The following DIO2 variants were observed in gnomAD, a reference collection of about 807,000 sequenced individuals.
The protein encoded by DIO2 is type II iodothyronine deiodinase.
In DIO2, 19 loss-of-function variants were observed where a neutral mutation model predicts 21.4. The observed-to-expected ratio is 0.89, with a 90% CI of 0.62 to 1.30. The LOEUF is 1.30. Among genes scored for constraint, DIO2 ranks in the 50% most tolerant of loss-of-function variants. The pLI, the probability that DIO2 is intolerant of heterozygous loss-of-function variation, is 0.00. For synonymous variants in DIO2, 122 were observed against 132.9 expected, an observed-to-expected ratio of 0.92 and a Z score of 0.57; for missense variants, 302 against 338.1, an observed-to-expected ratio of 0.89 and a Z score of 0.84.
intron 1 of DIO2, among the ~76,000 whole-genome samples, chr14:80,205,023 C>T (rs1484567183): frequency 6.6e-6 from 1 of 152,060 alleles, no homozygotes; most frequent in Admixed American, 6.6e-5. Context: ...TTTACTTATA[C>T]TAACTTTCTT....
At chr14:80,229,233 T>C (rs977710525) in intron 2 of DIO2, among the ~76,000 whole-genome samples, 3 of 138,098 alleles carry the variant, frequency 2.2e-5, no homozygotes, top group South Asian at 4.8e-4. Context: ...AACACCATGA[T>C]TAATTAGCCA....
rs1887727661 is a variant in DIO2, at chr14:80,201,658, A to G, written c.*1031T>C. On this transcript the variant is annotated 3_prime_UTR_variant, in exon 2 of 2. Transcript: ENST00000438257. ...CCAGACCCACTGGTTTTCCTTTAAT[A>G]GGTATCATGGGGTATAATTAACCCA... The G allele has an allele frequency of 6.6e-6, 1 of 152,138 alleles. No homozygotes were observed. Among genetic ancestry groups the G allele is most frequent in the South Asian group, 2.1e-4 (1 of 4,830 alleles). The allele number at this position is 152,138 out of a possible 1,614,324, so 9.4% of individuals were successfully genotyped here. A position where few individuals can be genotyped will look rare whatever the true frequency, so the allele number is the denominator to read the frequency against.
rs755561746 is a variant in DIO2, at chr14:80,202,803, C to A, written c.708G>T (p.Gln236His). The A allele has an allele frequency of 6.2e-7, 1 of 1,613,960 alleles. No individual in the cohort carries two copies. Reference sequence around the variant, plus strand: ...CCTTTCCTCCCAGATAAGCAATTTTCTGTCTCTGCACAATGCACACACGTT... The same window carrying A: ...CCTTTCCTCCCAGATAAGCAATTTTATGTCTCTGCACAATGCACACACGTT... The part of the protein sequence containing the change: ...AFERVCIVQR[Q>H]KIAYLGGKGP... Residue 236 changes from glutamine (Q) to histidine (H), a missense_variant, in exon 2 of 2, where the codon CAG becomes CAT. Transcript: ENST00000438257.
intron 2 of DIO2, among the ~76,000 whole-genome samples, chr14:80,230,479 C>T (rs1053859100): frequency 1.3e-5 from 2 of 152,136 alleles, no homozygotes; most frequent in Admixed American, 6.6e-5. Context: ...GACAGAATCC[C>T]TGAATTCATC....
At chr14:80,226,486 T>C (rs975697293) in intron 2 of DIO2, among the ~76,000 whole-genome samples, 3 of 152,234 alleles carry the variant, frequency 2.0e-5, no homozygotes, top group Admixed American at 6.5e-5. Context: ...TAAATGTCTA[T>C]TCCAGTGAGG....
intron 2 of DIO2, among the ~76,000 whole-genome samples, chr14:80,227,902 G>A (rs959824922): frequency 2.0e-5 from 3 of 152,168 alleles, no homozygotes; most frequent in Non-Finnish European, 2.9e-5. Flanking sequence ...GTTGTAGGAG[G>A]GGCCAAATGC....
At chr14:80,230,057 C>T (rs903877851) in intron 2 of DIO2, among the ~76,000 whole-genome samples, 2 of 152,082 alleles carry the variant, frequency 1.3e-5, no homozygotes, top group African/African-American at 2.4e-5. Flanking sequence ...GGGAGGCCAT[C>T]GCTGTTGCCT....
intron 2 of DIO2, among the ~76,000 whole-genome samples, chr14:80,224,839 G>A (rs1888540266): frequency 6.6e-6 from 1 of 152,142 alleles, no homozygotes; most frequent in Non-Finnish European, 1.5e-5. Flanking sequence ...TAGAGGGACA[G>A]AACTAATAGG....
At chr14:80,214,688 CT>C (rs1192677417), upstream of DIO2, among the ~76,000 whole-genome samples, 25 of 152,050 alleles carry the variant, frequency 1.6e-4, no homozygotes, top group Admixed American at 1.6e-3. Flanking sequence ...AAAGCTATTT[CT>C]TTTTTTATGC....
chr14:80,217,389 GAGCCAC>G (rs1888382010), intron 2 of DIO2, among the ~76,000 whole-genome samples: 1 of 152,138 alleles, frequency 6.6e-6, no homozygotes, highest in Non-Finnish European at 1.5e-5. Flanking sequence ...CAACACAACA[GAGCCAC>G]TGGTGGAACA....
At chr14:80,218,844 G>A (rs1039947009) in intron 2 of DIO2, among the ~76,000 whole-genome samples, 6 of 152,080 alleles carry the variant, frequency 3.9e-5, no homozygotes, top group African/African-American at 1.4e-4. Flanking sequence ...ATGGCGTGGT[G>A]GTGCATGCCT....
At chr14:80,205,364 G>T (rs971597748) in intron 1 of DIO2, among the ~76,000 whole-genome samples, 1 of 152,118 alleles carries the variant, frequency 6.6e-6, no homozygotes, top group South Asian at 2.1e-4. Flanking sequence ...AGATTAGTCC[G>T]TTGTAGGGAC....
At chr14:80,204,983 T>A (rs999975928) in intron 1 of DIO2, among the ~76,000 whole-genome samples, 2 of 152,290 alleles carry the variant, frequency 1.3e-5, no homozygotes, top group African/African-American at 4.8e-5. Flanking sequence ...AGTACATTTG[T>A]TTTTTAGTCA....
At chr14:80,209,127 A>G (rs896524472) in intron 1 of DIO2, among the ~76,000 whole-genome samples, 1 of 152,174 alleles carries the variant, frequency 6.6e-6, no homozygotes, top group Non-Finnish European at 1.5e-5. Context: ...AACACTATAC[A>G]TTGGTGAAAA....
At chr14:80,207,553 C>T (rs756636439) in intron 1 of DIO2, among the ~76,000 whole-genome samples, 4 of 152,172 alleles carry the variant, frequency 2.6e-5, no homozygotes, top group Non-Finnish European at 5.9e-5. Context: ...ATACTACTTG[C>T]TATCCAAAGC....
chr14:80,204,163 T>A (rs976929035), intron 1 of DIO2, among the ~76,000 whole-genome samples: 1 of 152,080 alleles, frequency 6.6e-6, no homozygotes, highest in Admixed American at 6.5e-5. Context: ...TGCCACTGCT[T>A]ACAAGGTGGT....
At position 80,219,081 on chromosome 14, in the gene DIO2, T is replaced by C. The variant is rs181961696; in HGVS notation, c.-277-2344A>G. Among the ~76,000 whole-genome samples, 1,252 of 152,344 alleles carry C rather than the reference T, an allele frequency of 8.2e-3. 3 individuals are homozygous for C. The highest frequency in any genetic ancestry group is 0.013 in the Non-Finnish European group (900 of 68,032). On this transcript the variant is annotated intron_variant, in intron 2 of 4. Coordinates refer to the DIO2 transcript ENST00000553594. ...ATCATCCTACAAAGAAATGTTTCCC[T>C]ACTGTCCTGGGACCTGAAAACTATG...
At chr14:80,211,095 C>T (rs1355547519) in intron 1 of DIO2, among the ~76,000 whole-genome samples, 156 bp downstream of exon 1, 1 of 152,154 alleles carries the variant, frequency 6.6e-6, no homozygotes, top group Non-Finnish European at 1.5e-5. Flanking sequence ...CTAACCTGTG[C>T]AACAGGTGTG....
chr14:80,227,526 C>T (rs1888600756), intron 2 of DIO2, among the ~76,000 whole-genome samples: 1 of 152,194 alleles, frequency 6.6e-6, no homozygotes, highest in South Asian at 2.1e-4. Context: ...GGCCCAGGAA[C>T]AGGCAAAGAG....
Sources: gnomAD v4.1 joint callset for allele counts (sites outside exome capture counted in the v4.1 genomes callset) on GRCh38, gnomAD v4.1.1 for gene constraint, MANE v1.5 for transcripts, NCBI Gene and HGNC (gene_info 2026-07-23, HGNC 2026-07-21) for gene names.